TG: variants seen among roughly 807,000 people sequenced by gnomAD.
TG encodes thyroglobulin, also known as thyroid hormones.
TG carries 270 observed loss-of-function variants against 324.7 expected under a neutral mutation model. That is an observed-to-expected ratio of 0.83 (90% CI 0.75 to 0.92). The LOEUF (loss-of-function observed/expected upper bound fraction) is 0.92, where lower values mean the gene tolerates loss of function less well. Among genes scored for constraint, TG ranks in the 40% least tolerant of loss-of-function variants. The pLI is 0.00. For synonymous variants in TG, 1,401 were observed against 1,327.0 expected (o/e 1.06, Z -1.21); for missense variants, 3,591 against 3,456.4 (o/e 1.04, Z -0.98).
intron 25 of TG, among the ~76,000 whole-genome samples, chr8:132,939,821 C>T (rs559690098): frequency 7.2e-5 from 11 of 152,150 alleles, no homozygotes; most frequent in Admixed American, 1.3e-4. Context: ...GGACTACAGA[C>T]GTGCACCATC....
At chr8:132,920,252 G>T (rs1174846440) in intron 21 of TG, among the ~76,000 whole-genome samples, 1 of 152,086 alleles carries the variant, frequency 6.6e-6, no homozygotes, top group Admixed American at 6.6e-5. Context: ...TTTTTTCCTA[G>T]CAAGGACCCA....
intron 38 of TG, among the ~76,000 whole-genome samples, chr8:133,018,549 AC>A (rs1256870442): frequency 6.6e-6 from 1 of 150,944 alleles, no homozygotes; most frequent in East Asian, 1.9e-4. Flanking sequence ...TTTTTAGGGC[AC>A]CCATATCCTA....
At chr8:133,024,913 T>C (rs1835938122) in intron 40 of TG, among the ~76,000 whole-genome samples, 1 of 151,490 alleles carries the variant, frequency 6.6e-6, no homozygotes, top group Admixed American at 6.6e-5. Context: ...TGGCGATTCC[T>C]CAAAAATCTA....
intron 27 of TG, among the ~76,000 whole-genome samples, chr8:132,959,590 G>T (rs1384598308): frequency 6.6e-6 from 1 of 152,148 alleles, no homozygotes; most frequent in Non-Finnish European, 1.5e-5. Flanking sequence ...CAACAAAATT[G>T]CATTTCTCAG....
chr8:132,889,331 T>C (rs763674474), intron 10 of TG, among the ~76,000 whole-genome samples: 1 of 152,214 alleles, frequency 6.6e-6, no homozygotes, highest in African/African-American at 2.4e-5. Flanking sequence ...TTCAGTAAAA[T>C]CTCTCAATTC....
intron 15 of TG, 88 bp from the exon 16 acceptor site, chr8:132,901,265 T>G (rs1587322919): frequency 1.3e-6 from 2 of 1,509,134 alleles, no homozygotes. Flanking sequence ...GGGCTGAGGG[T>G]GGCCGTGGGT....
chr8:132,968,956 T>C (rs575181779), intron 31 of TG, among the ~76,000 whole-genome samples: 2 of 152,280 alleles, frequency 1.3e-5, no homozygotes, highest in South Asian at 4.1e-4. Flanking sequence ...TCTTCTGTCG[T>C]CCTGAGAGAA....
At chr8:132,914,017 A>G (rs1010688034) in intron 20 of TG, among the ~76,000 whole-genome samples, 3 of 152,044 alleles carry the variant, frequency 2.0e-5, no homozygotes, top group Non-Finnish European at 2.9e-5. Context: ...AACCAGCAAC[A>G]TTTCAGCTCT....
chr8:133,074,742 G>T, intron 41 of TG: 1 of 542,910 alleles, frequency 1.8e-6, no homozygotes, highest in Non-Finnish European at 2.3e-6. Context: ...TGCCCCACCT[G>T]TTCTCAGGGA....
chr8:132,874,380 C>T (rs1839770586), intron 5 of TG, among the ~76,000 whole-genome samples: 2 of 152,158 alleles, frequency 1.3e-5, no homozygotes, highest in Admixed American at 1.3e-4. Context: ...ACCCAAATAG[C>T]CAGAGTAGCT....
intron 28 of TG, among the ~76,000 whole-genome samples, chr8:132,961,948 G>T (rs1827824414): frequency 6.6e-6 from 1 of 152,164 alleles, no homozygotes; most frequent in Admixed American, 6.5e-5. Context: ...CCATTCATGT[G>T]CCTGGGAGCC....
In TG at chr8:132,997,129, A is replaced by G. The variant is rs144696239; in HGVS notation, c.6262+13717A>G. ...ATATTTATTCAGACTTTCCTTGTATAATGTCCTTTCTAGATGAACATTCAG... is the reference window on the plus strand; with the variant it reads ...ATATTTATTCAGACTTTCCTTGTATGATGTCCTTTCTAGATGAACATTCAG... On this transcript the variant is annotated intron_variant, in intron 35 of 47. Coordinates refer to ENST00000220616, the MANE Select transcript of TG (RefSeq NM_003235.5). Among the ~76,000 whole-genome samples the G allele has an allele frequency of 7.9e-5, 12 of 152,342 alleles. No homozygotes were observed. In the East Asian group the frequency reaches 2.3e-3, roughly 29 times the overall value.
chr8:132,994,882 A>T, intron 35 of TG: 2 of 1,224,902 alleles, frequency 1.6e-6, no homozygotes, highest in East Asian at 5.9e-5. Context: ...ATGGAGTAAG[A>T]TTGAGGTAAT....
chr8:133,102,166 A>G (rs1163691834), intron 43 of TG, among the ~76,000 whole-genome samples: 1 of 152,252 alleles, frequency 6.6e-6, no homozygotes, highest in African/African-American at 2.4e-5. Context: ...AGATAATTAT[A>G]CACAGAAAGC....
intron 27 of TG, among the ~76,000 whole-genome samples, chr8:132,952,145 T>C (rs893679558): frequency 6.6e-6 from 1 of 152,180 alleles, no homozygotes; most frequent in Non-Finnish European, 1.5e-5. Flanking sequence ...GTGTGGCCCT[T>C]CTAGGCTTTG....
rs535032310 is a variant in TG, at chr8:132,915,332, C to T, written c.4378+2067C>T. On this transcript the variant is annotated intron_variant, in intron 20 of 47. Coordinates refer to ENST00000220616, the MANE Select transcript of TG (RefSeq NM_003235.5). ...TCTGACTGTCTTCCTTTCCATCCCC[C>T]ACAACACACAGGTAAAATAAAGGGG... 3.3e-5 allele frequency among the ~76,000 whole-genome samples: 5 copies of T among 152,286 alleles called. No homozygotes were observed. In the South Asian group the frequency reaches 1.0e-3, roughly 32 times the overall value.
Position 132,889,596 on chromosome 8 carries a change from A to C in TG, c.2761+1028A>C, listed in dbSNP as rs139430816. On this transcript the variant is annotated intron_variant, in intron 10 of 47. Transcript: ENST00000220616. ...AGGTTAACACATTGATCTTGGCCTG[A>C]CTGTTAGATAAGAAGTCTTATTTAT... Among the ~76,000 whole-genome samples, 94 of 152,310 alleles carry C rather than the reference A, an allele frequency of 6.2e-4. No homozygotes were observed. In the East Asian group the frequency reaches 0.013, roughly 20 times the overall value.
chr8:133,084,085 C>G (rs1050599082), intron 41 of TG, among the ~76,000 whole-genome samples: 3 of 152,160 alleles, frequency 2.0e-5, no homozygotes, highest in Non-Finnish European at 1.5e-5. Context: ...ATTGTGTTTT[C>G]TAGGGCAGGC....
At chr8:133,058,661 G>A (rs1243902729) in intron 41 of TG, among the ~76,000 whole-genome samples, 1 of 152,160 alleles carries the variant, frequency 6.6e-6, no homozygotes, top group Non-Finnish European at 1.5e-5. Flanking sequence ...TGGAGAGGGT[G>A]AGAAAGAGCC....
Sources: allele counts gnomAD v4.1 joint callset (sites outside exome capture counted in the v4.1 genomes callset), GRCh38; gene constraint gnomAD v4.1.1; transcripts MANE v1.5; gene names NCBI Gene and HGNC (gene_info 2026-07-23, HGNC 2026-07-21).